The following NRG3 variants were observed in gnomAD, a reference collection of about 807,000 sequenced individuals.
NRG3 encodes neuregulin 3, also known as pro-neuregulin-3, membrane-bound isoform.
A neutral mutation model predicts 66.9 loss-of-function variants in NRG3; 31 were observed. The observed-to-expected ratio is 0.46, with a 90% CI of 0.35 to 0.63. NRG3 has a LOEUF of 0.63. NRG3 is among the 20% of genes least tolerant of loss of function. NRG3 has a pLI of 0.00. For missense variants in NRG3, 910 were observed against 878.9 expected (o/e 1.04, Z -0.45); for synonymous variants, 393 against 359.4 (o/e 1.09, Z -1.06).
chr10:82,923,498 G>A (rs1311916215), intron 4 of NRG3, among the ~76,000 whole-genome samples: 4 of 152,194 alleles, frequency 2.6e-5, no homozygotes, highest in African/African-American at 7.2e-5. Context: ...AAGTATGTCT[G>A]TTCATGTTAG....
intron 4 of NRG3, among the ~76,000 whole-genome samples, chr10:82,865,924 GTGTGGGC>G (rs1840682696): frequency 6.6e-6 from 1 of 152,132 alleles, no homozygotes; most frequent in South Asian, 2.1e-4. Context: ...TTAGTTTGGA[GTGTGGGC>G]TATTAAACAT....
intron 2 of NRG3, among the ~76,000 whole-genome samples, chr10:82,671,401 A>G (rs1365786463): frequency 1.3e-5 from 2 of 152,214 alleles, no homozygotes; most frequent in African/African-American, 2.4e-5. Flanking sequence ...GAAACTGGCT[A>G]AAGCAAGCAT....
chr10:82,605,808 A>G (rs1474956262), intron 2 of NRG3, among the ~76,000 whole-genome samples: 1 of 152,008 alleles, frequency 6.6e-6, no homozygotes, highest in Non-Finnish European at 1.5e-5. Flanking sequence ...GCCCATACAG[A>G]TTACCTATTT....
At chr10:82,928,913 C>T (rs1847281650) in intron 4 of NRG3, among the ~76,000 whole-genome samples, 1 of 152,112 alleles carries the variant, frequency 6.6e-6, no homozygotes, top group Non-Finnish European at 1.5e-5. Context: ...TTGCATAGCT[C>T]ACTAATCTGA....
At chr10:82,617,447 T>C (rs2133572911) in intron 2 of NRG3, among the ~76,000 whole-genome samples, 1 of 150,590 alleles carries the variant, frequency 6.6e-6, no homozygotes, top group South Asian at 2.1e-4. Flanking sequence ...AAAAGGGGAG[T>C]CTGACACCAG....
chr10:82,628,110 A>T (rs1002917410), intron 2 of NRG3, among the ~76,000 whole-genome samples: 5 of 152,198 alleles, frequency 3.3e-5, no homozygotes, highest in African/African-American at 9.6e-5. Context: ...CACACACTAC[A>T]TTATATTGTG....
chr10:82,803,577 T>G (rs2061144388), intron 3 of NRG3, among the ~76,000 whole-genome samples: 1 of 152,362 alleles, frequency 6.6e-6, no homozygotes, highest in South Asian at 2.1e-4. Flanking sequence ...TTCATTCATT[T>G]TTTTGACTTT....
At chr10:82,669,367 G>A (rs886924858) in intron 2 of NRG3, among the ~76,000 whole-genome samples, 1 of 151,846 alleles carries the variant, frequency 6.6e-6, no homozygotes, top group African/African-American at 2.4e-5. Context: ...GCAATGCGCA[G>A]TTTTCTAAAA....
intron 3 of NRG3, among the ~76,000 whole-genome samples, chr10:82,828,167 A>G (rs998228704): frequency 1.3e-5 from 2 of 152,170 alleles, no homozygotes; most frequent in African/African-American, 4.8e-5. Context: ...GCCAAGCCAT[A>G]GCATTGTCCA....
In NRG3 at chr10:82,139,833, G is replaced by C. The variant is rs535570004; in HGVS notation, c.824-218906G>C. On this transcript the variant is annotated intron_variant, in intron 1 of 8. Coordinates refer to ENST00000372141, the MANE Select transcript of NRG3 (RefSeq NM_001010848.4). ...TGTTACTTTAAAACCCTTCATATCTGAAGGTTAAGCTAACATTAAGGCAGT... is the reference window on the plus strand; with the variant it reads ...TGTTACTTTAAAACCCTTCATATCTCAAGGTTAAGCTAACATTAAGGCAGT... 1.3e-4 allele frequency among the ~76,000 whole-genome samples: 20 copies of C among 152,206 alleles called. No individual in the cohort carries two copies. In the South Asian group the frequency reaches 1.7e-3, roughly 13 times the overall value.
chr10:82,672,039 G>A (rs995598919), intron 2 of NRG3, among the ~76,000 whole-genome samples: 14 of 152,140 alleles, frequency 9.2e-5, no homozygotes, highest in South Asian at 4.1e-4. Flanking sequence ...TATCCTTACT[G>A]ATCTCTAATA....
intron 1 of NRG3, among the ~76,000 whole-genome samples, chr10:82,034,714 C>A (rs2062720051): frequency 6.6e-6 from 1 of 152,064 alleles, no homozygotes; most frequent in African/African-American, 2.4e-5. Flanking sequence ...TGTCAGTCAC[C>A]ACCTTCTTTA....
intron 3 of NRG3, among the ~76,000 whole-genome samples, chr10:82,788,546 G>A (rs2060461845): frequency 6.6e-6 from 1 of 151,784 alleles, no homozygotes; most frequent in Non-Finnish European, 1.5e-5. Flanking sequence ...TGCCAGCCTG[G>A]GTGACAGAGT....
chr10:82,278,185 AAC>A (rs778032360), intron 1 of NRG3, among the ~76,000 whole-genome samples: 9 of 152,082 alleles, frequency 5.9e-5, no homozygotes, highest in Non-Finnish European at 1.2e-4. Context: ...CAAGAAAATG[AAC>A]AGTTACAAGT....
intron 2 of NRG3, among the ~76,000 whole-genome samples, chr10:82,584,839 C>A (rs2046567227): frequency 6.6e-6 from 1 of 152,058 alleles, no homozygotes; most frequent in Admixed American, 6.5e-5. Context: ...TATGACTGGC[C>A]TCATTTGAAG....
intron 1 of NRG3, among the ~76,000 whole-genome samples, chr10:82,021,987 CT>C (rs879673106): frequency 9.9e-4 from 145 of 146,748 alleles, no homozygotes; most frequent in Non-Finnish European, 1.6e-3. Context: ...ACATTGGATG[CT>C]TTTTTTTTTC....
At chr10:82,551,266 T>A (rs1239166181) in intron 2 of NRG3, among the ~76,000 whole-genome samples, 2 of 152,130 alleles carry the variant, frequency 1.3e-5, no homozygotes, top group African/African-American at 4.8e-5. Context: ...GAAACAAGAA[T>A]CTAAGGGAAT....
At chr10:82,296,200 C>T (rs549439438) in intron 1 of NRG3, among the ~76,000 whole-genome samples, 2 of 152,118 alleles carry the variant, frequency 1.3e-5, no homozygotes, top group African/African-American at 4.8e-5. Context: ...GTCAGTGTGG[C>T]CGCAGCTCAG....
intron 1 of NRG3, among the ~76,000 whole-genome samples, chr10:81,921,058 A>G (rs1286151988): frequency 6.6e-6 from 1 of 152,056 alleles, no homozygotes; most frequent in African/African-American, 2.4e-5. Context: ...GTATTTGCAA[A>G]TTGATTTTAA....
Sources: gnomAD v4.1 joint callset for allele counts (sites outside exome capture counted in the v4.1 genomes callset) on GRCh38, gnomAD v4.1.1 for gene constraint, MANE v1.5 for transcripts, NCBI Gene and HGNC (gene_info 2026-07-23, HGNC 2026-07-21) for gene names.